The following PHRF1 variants were observed in gnomAD, a reference collection of about 807,000 sequenced individuals.
The protein encoded by PHRF1 is PHD and ring finger domains 1, also known as PHD and RING finger domain-containing protein 1.
PHRF1 carries 53 observed loss-of-function variants against 128.9 expected under a neutral mutation model. The ratio of observed to expected loss-of-function variants is 0.41; its 90% CI spans 0.33 to 0.52. PHRF1 has a LOEUF of 0.52. Ranked by LOEUF, PHRF1 falls within the 20% of genes least tolerant of loss-of-function variation. The pLI, the probability that PHRF1 is intolerant of heterozygous loss-of-function variation, is 0.21. For synonymous variants in PHRF1, 1,178 were observed against 980.6 expected, an observed-to-expected ratio of 1.20 and a Z score of -3.76; for missense variants, 2,503 against 2,284.5, an observed-to-expected ratio of 1.10 and a Z score of -1.95.
chr11:585,971 C>G (rs925351466), intron 3 of PHRF1, among the ~76,000 whole-genome samples: 1 of 152,164 alleles, frequency 6.6e-6, no homozygotes, highest in South Asian at 2.1e-4. Context: ...AAGCGATTCT[C>G]CTGTCTCAGC....
Position 581,540 on chromosome 11 carries a change from G to A in PHRF1, c.28G>A (p.Val10Met). ...GGATGACGACAGCCTGGATGAGCTT[G>A]TGGCCCGGAGCCCAGGGCCGGATGG... MDDDSLDEL[V>M]ARSPGPDGHP... The change falls in exon 2 of 18, where the codon GTG (valine) becomes ATG (methionine). Residue 10 changes from valine (V) to methionine (M), a missense_variant. By Grantham distance (21) the Val-to-Met change is conservative. Coordinates refer to ENST00000264555, the MANE Select transcript of PHRF1 (RefSeq NM_001286581.2). 6.2e-7 allele frequency: 1 copy of A among 1,613,606 alleles called. No homozygotes were observed. Among genetic ancestry groups the A allele is most frequent in the Non-Finnish European group, 8.5e-7 (1 of 1,179,882 alleles).
rs367659936 is a variant in PHRF1 at position 607,220 on chromosome 11, G to A, written c.1764G>A (p.Arg588=). ...PQSTGLSCQG[R]SRTPARTAGA... Reference sequence around the variant, plus strand: ...GCACAGGGCTCAGCTGTCAAGGCAGGTCCCGCACCCCCGCCCGCACCGCGG... The same window carrying A: ...GCACAGGGCTCAGCTGTCAAGGCAGATCCCGCACCCCCGCCCGCACCGCGG... Residue 588 remains arginine (R), a synonymous_variant, in exon 14 of 18, where the codon AGG becomes AGA. Transcript: ENST00000264555. 30 of 1,612,216 alleles carry A rather than the reference G, an allele frequency of 1.9e-5. No individual in the cohort carries two copies. The highest frequency in any genetic ancestry group is 2.5e-5 in the Non-Finnish European group (30 of 1,179,696).
chr11:586,360 C>A (rs972728679), intron 3 of PHRF1, among the ~76,000 whole-genome samples: 8 of 152,268 alleles, frequency 5.3e-5, no homozygotes, highest in Non-Finnish European at 1.2e-4. Context: ...CCTCGCAGCT[C>A]TCACTTCTCC....
intron 4 of PHRF1, among the ~76,000 whole-genome samples, chr11:588,849 C>G (rs1026892122): frequency 4.6e-5 from 7 of 152,034 alleles, no homozygotes; most frequent in Non-Finnish European, 7.4e-5. Context: ...AGAAATCTTA[C>G]AAATGGAACC....
At position 597,682 on chromosome 11, in the gene PHRF1, C is replaced by T. The variant is rs527412979; in HGVS notation, c.894+112C>T. 5.0e-4 allele frequency: 684 copies of T among 1,357,402 alleles called. 3 individuals are homozygous for T. In the Middle Eastern group the frequency reaches 0.01, roughly 21 times the overall value. The allele number at this position is 1,357,402 out of a possible 1,614,324, so 84.1% of individuals were successfully genotyped here. Reference sequence around the variant, plus strand: ...CGGCACTGTGGGGTCCGCCCGGCCCCGGTGGCTCATGTTGTTCGGCCTGCT... The same window carrying T: ...CGGCACTGTGGGGTCCGCCCGGCCCTGGTGGCTCATGTTGTTCGGCCTGCT... On this transcript the variant is annotated intron_variant, in intron 8 of 17. Coordinates refer to ENST00000264555, the MANE Select transcript of PHRF1 (RefSeq NM_001286581.2). This position sits in a 1 kb window ranked among gnomAD's most constrained non-coding sequence, Gnocchi z 6.5.
rs370743307 is a variant in PHRF1 at position 610,584 on chromosome 11, G to C, written c.4500G>C (p.Gln1500His). The C allele has an allele frequency of 6.2e-7, 1 of 1,606,480 alleles. No homozygotes were observed. The highest frequency in any genetic ancestry group is 1.3e-5 in the African/African-American group (1 of 74,922). ...PCALVSQPTV[Q>H]FILQGSLPLV... ...CACTGGTCAGCCAGCCCACGGTCCA[G>C]TTCATCCTTCAGGGGAGCCTGCCGC... Residue 1500 changes from glutamine (Q) to histidine (H), a missense_variant, in exon 16 of 18, where the codon CAG becomes CAC. Transcript: ENST00000264555.
chr11:580,341 C>T (rs535161496), intron 1 of PHRF1, among the ~76,000 whole-genome samples: 5 of 152,322 alleles, frequency 3.3e-5, no homozygotes, highest in South Asian at 4.1e-4. Context: ...AGGCTTTGTA[C>T]GGGATCCTGT....
Position 597,946 on chromosome 11 carries a change from C to T in PHRF1, c.894+376C>T, listed in dbSNP as rs532791336. ...GGTTTCAGGTGCTCCCTGCAGCCTC[C>T]GTCCTGACAGCAGCCTTTCCCTGGG... On this transcript the variant is annotated intron_variant, in intron 8 of 17. Transcript: ENST00000264555. The surrounding 1 kb of genome is among the most constrained non-coding windows in gnomAD (Gnocchi z 6.5). Among the ~76,000 whole-genome samples, 9 of 152,340 alleles carry T rather than the reference C, an allele frequency of 5.9e-5. No homozygotes were observed. The highest frequency in any genetic ancestry group is 3.3e-4 in the Admixed American group (5 of 15,306).
intron 3 of PHRF1, among the ~76,000 whole-genome samples, chr11:584,797 G>A (rs1010120883): frequency 6.7e-6 from 1 of 148,604 alleles, no homozygotes; most frequent in African/African-American, 2.5e-5. Flanking sequence ...GAGTGTAGTG[G>A]CGCAATCTCG....
intron 9 of PHRF1, among the ~76,000 whole-genome samples, chr11:599,946 T>G (rs907720144): frequency 3.3e-5 from 5 of 152,232 alleles, no homozygotes. Context: ...TTGAGAAATA[T>G]TCCATTGTAT....
In PHRF1 at chr11:582,012, G is replaced by A. The variant is rs1407659606; in HGVS notation, c.145G>A (p.Glu49Lys). 8 of 1,608,306 alleles carry A rather than the reference G, an allele frequency of 5.0e-6. No homozygotes were observed. The highest frequency in any genetic ancestry group is 1.1e-5 in the South Asian group (1 of 89,592). ...GGACTCTGGGGACGACAGTGACAGC[G>A]AGCATGGAGATGGCACAGACGGAGA... is the stretch of plus-strand genomic sequence containing the variant. ...SGDSGDDSDS[E>K]HGDGTDGEDE... is the part of the protein sequence containing the mutation. Residue 49 changes from glutamate to lysine, a missense_variant, in exon 3 of 18, where the codon GAG becomes AAG. Glu to Lys is a moderately conservative substitution (Grantham distance 56). Transcript: ENST00000264555.
In PHRF1 at chr11:609,028, C is replaced by T. The variant is rs756646309; in HGVS notation, c.3572C>T (p.Ser1191Phe). Residue 1191 changes from serine to phenylalanine, a missense_variant, in exon 14 of 18, where the codon TCC becomes TTC. Ser to Phe is a radical substitution (Grantham distance 155). Transcript: ENST00000264555. ...AAGTGGCCGCAGACCCGGTCCCATT[C>T]CCCAGAGAGGAAGGGGGCTGTGAGG... ...REKWPQTRSH[S>F]PERKGAVREA... 2 of 1,595,360 alleles carry T rather than the reference C, an allele frequency of 1.3e-6. No individual in the cohort carries two copies. The highest frequency in any genetic ancestry group is 1.7e-4 in the Middle Eastern group (1 of 6,040).
intron 3 of PHRF1, among the ~76,000 whole-genome samples, chr11:582,379 C>T (rs557001089): frequency 6.6e-6 from 1 of 151,752 alleles, no homozygotes; most frequent in Non-Finnish European, 1.5e-5. Flanking sequence ...ATTCTCCTGG[C>T]TCAGCCTCGT....
Position 608,690 on chromosome 11 carries a change from G to A in PHRF1, c.3234G>A (p.Arg1078=), listed in dbSNP as rs771238150. ...KKAKDKSREH[R]RGPWGHSRRT... ...CCAAGGACAAGAGCAGGGAGCACAG[G>A]CGGGGCCCCTGGGGCCACAGCCGGA... The change falls in exon 14 of 18, where the codon AGG becomes AGA. Residue 1078 remains arginine (R), a synonymous_variant. Coordinates refer to ENST00000264555, the MANE Select transcript of PHRF1 (RefSeq NM_001286581.2). The A allele has an allele frequency of 2.5e-6, 4 of 1,611,876 alleles. No homozygotes were observed. Among genetic ancestry groups the A allele is most frequent in the African/African-American group, 1.3e-5 (1 of 74,920 alleles).
At chr11:601,742 C>T (rs1179898977) in intron 10 of PHRF1, 41 bp downstream of exon 10, 4 of 1,611,692 alleles carry the variant, frequency 2.5e-6, no homozygotes, top group African/African-American at 1.3e-5. Context: ...CTGCTGGCCA[C>T]AGCACCCTCG....
rs758803591 is a variant in PHRF1, at chr11:608,629, G to T, written c.3173G>T (p.Arg1058Leu). The T allele has an allele frequency of 1.2e-6, 2 of 1,612,114 alleles. No homozygotes were observed. The highest frequency in any genetic ancestry group is 1.7e-6 in the Non-Finnish European group (2 of 1,179,760). Residue 1058 changes from arginine (R) to leucine (L), a missense_variant, in exon 14 of 18, where the codon CGC becomes CTC. Physicochemically the swap from Arg to Leu is moderately radical, Grantham distance 102. Coordinates refer to ENST00000264555, the MANE Select transcript of PHRF1 (RefSeq NM_001286581.2). ...KAKSRRSSSD[R>L]SSSRERAKRK... ...AAGAGCCGGCGGTCCTCCAGTGACC[G>T]CTCCAGCAGCCGAGAGCGAGCTAAG... is the stretch of plus-strand genomic sequence containing the variant.
chr11:581,522 G>C lies in PHRF1; in HGVS notation c.10G>C (p.Asp4His), dbSNP rs201520162. MDD[D>H]SLDELVARSP... ...AGCTCAATGTGCAGCAATGGATGAC[G>C]ACAGCCTGGATGAGCTTGTGGCCCG... Residue 4 changes from aspartate (D) to histidine (H), a missense_variant, in exon 2 of 18, where the codon GAC becomes CAC. Transcript: ENST00000264555. The C allele has an allele frequency of 6.2e-7, 1 of 1,613,624 alleles. No individual in the cohort carries two copies. Among genetic ancestry groups the C allele is most frequent in the Admixed American group, 1.7e-5 (1 of 60,020 alleles).
At chr11:592,930 C>G (rs532666121) in intron 6 of PHRF1, among the ~76,000 whole-genome samples, 1 of 152,276 alleles carries the variant, frequency 6.6e-6, no homozygotes, top group African/African-American at 2.4e-5. Context: ...AGAAAACAGC[C>G]GGACAGGAGG....
In PHRF1 at chr11:607,690, C is replaced by T. The variant is rs759992846; in HGVS notation, c.2234C>T (p.Thr745Met). 1.4e-4 allele frequency: 223 copies of T among 1,610,100 alleles called. No individual in the cohort carries two copies. Among genetic ancestry groups the T allele is most frequent in the Non-Finnish European group, 1.8e-4 (211 of 1,178,196 alleles). ...GTGCCCCGGGAGCCCGGGGTGCACA[C>T]GGGCAGCTCCCGGCCCCCAGCCCCC... ...SRVPREPGVH[T>M]GSSRPPAPSS... The change falls in exon 14 of 18, where the codon ACG becomes ATG. Residue 745 changes from threonine (T) to methionine (M), a missense_variant. Transcript: ENST00000264555.
Sources: allele counts gnomAD v4.1 joint callset (sites outside exome capture counted in the v4.1 genomes callset), GRCh38; gene constraint gnomAD v4.1.1; non-coding constraint Gnocchi (gnomAD v3.1); transcripts MANE v1.5; gene names NCBI Gene and HGNC (gene_info 2026-07-23, HGNC 2026-07-21).